Variants in MSI2 observed in about 807,000 individuals in gnomAD.
MSI2 encodes the protein RNA-binding protein Musashi homolog 2.
Under a neutral mutation model 45.6 loss-of-function variants are expected in MSI2, and 17 were observed. The observed-to-expected ratio is 0.37, with a 90% CI of 0.26 to 0.56. The LOEUF (loss-of-function observed/expected upper bound fraction) is 0.56. MSI2 is among the 20% of genes least tolerant of loss of function. The probability of loss-of-function intolerance (pLI) is 0.77; values close to 1 mark genes in which losing one functional copy is unlikely to be tolerated. For synonymous variants in MSI2, 156 were observed against 158.2 expected, an observed-to-expected ratio of 0.99 and a Z score of 0.11; for missense variants, 293 against 444.2, an observed-to-expected ratio of 0.66 and a Z score of 3.06.
chr17:57,293,595 G>GTTTTTTTTTTTTTTGTTTTTTTTTTT (rs71139983), intron 5 of MSI2, among the ~76,000 whole-genome samples: 37 of 134,636 alleles, frequency 2.7e-4, no homozygotes, highest in South Asian at 4.5e-4. Flanking sequence ...TTGTTTTTTT[G>GTTTTTTTTTTTTTTGTTTTTTTTTTT]TTTTTTTTTT....
At chr17:57,516,027 T>C (rs911355509) in intron 6 of MSI2, among the ~76,000 whole-genome samples, 1 of 152,222 alleles carries the variant, frequency 6.6e-6, no homozygotes, top group Non-Finnish European at 1.5e-5. Flanking sequence ...CACAGTACTT[T>C]GTTAAAGCCA....
chr17:57,555,581 T>G (rs1162108476), intron 7 of MSI2, among the ~76,000 whole-genome samples: 1 of 152,176 alleles, frequency 6.6e-6, no homozygotes, highest in East Asian at 1.9e-4. Flanking sequence ...GGTCCTCAGA[T>G]GGGTGCCCCT....
At chr17:57,589,897 T>G (rs757104632) in intron 7 of MSI2, among the ~76,000 whole-genome samples, 1 of 152,206 alleles carries the variant, frequency 6.6e-6, no homozygotes, top group Non-Finnish European at 1.5e-5. Flanking sequence ...CAGAGTTGCC[T>G]TGGGGACCAG....
intron 11 of MSI2, among the ~76,000 whole-genome samples, chr17:57,655,290 T>A (rs879803070): frequency 6.6e-6 from 1 of 152,010 alleles, no homozygotes; most frequent in Non-Finnish European, 1.5e-5. Flanking sequence ...CAGTCGAGAG[T>A]TTGTTTGTTT....
At chr17:57,546,086 G>A (rs1350279300) in intron 7 of MSI2, among the ~76,000 whole-genome samples, 1 of 152,156 alleles carries the variant, frequency 6.6e-6, no homozygotes, top group Non-Finnish European at 1.5e-5. Flanking sequence ...ATTCCGGGGC[G>A]ATTATGCCCA....
intron 11 of MSI2, among the ~76,000 whole-genome samples, chr17:57,656,346 T>C (rs1041241355): frequency 1.3e-5 from 2 of 152,214 alleles, no homozygotes; most frequent in Non-Finnish European, 2.9e-5. Flanking sequence ...TTAAAGGTCT[T>C]CCTTGTTCTT....
At chr17:57,621,030 G>A (rs554421509) in intron 9 of MSI2, among the ~76,000 whole-genome samples, 10 of 152,322 alleles carry the variant, frequency 6.6e-5, no homozygotes, top group African/African-American at 1.9e-4. Flanking sequence ...CTCTCTAAGC[G>A]AGGAGACTGC....
At chr17:57,665,399 A>T (rs1912294788) in intron 11 of MSI2, among the ~76,000 whole-genome samples, 1 of 152,236 alleles carries the variant, frequency 6.6e-6, no homozygotes, top group Non-Finnish European at 1.5e-5. Flanking sequence ...GAAACATGAG[A>T]GGGAGCTGAA....
At position 57,652,207 on chromosome 17, in the gene MSI2, G is replaced by A. The variant is rs1303981034; in HGVS notation, c.790+46G>A. ...GGCGACTCCCAGGCATGCCCCCAGT[G>A]TGCAGGGGGAGGTCAAGGCCCTGTC... On this transcript the variant is annotated intron_variant, in intron 11 of 13. Transcript: ENST00000284073. This position sits in a 1 kb window ranked among gnomAD's most constrained non-coding sequence, Gnocchi z 4.1. 2.8e-5 allele frequency: 44 copies of A among 1,559,626 alleles called. No individual in the cohort carries two copies. Among genetic ancestry groups the A allele is most frequent in the Non-Finnish European group, 3.8e-5 (43 of 1,131,004 alleles).
intron 5 of MSI2, among the ~76,000 whole-genome samples, chr17:57,284,129 A>G (rs1360144379): frequency 6.6e-6 from 1 of 152,142 alleles, no homozygotes; most frequent in Non-Finnish European, 1.5e-5. Context: ...CGCTGAGTTG[A>G]GCATTGCCCA....
chr17:57,649,305 CACAACACAT>C (rs1567958975), intron 10 of MSI2, among the ~76,000 whole-genome samples: 1 of 151,918 alleles, frequency 6.6e-6, no homozygotes, highest in Non-Finnish European at 1.5e-5. Context: ...ACACAACACA[CACAACACAT>C]ACATACACTC....
chr17:57,324,272 C>T (rs915684184), intron 5 of MSI2, among the ~76,000 whole-genome samples: 6 of 152,222 alleles, frequency 3.9e-5, no homozygotes, highest in Admixed American at 1.3e-4. Context: ...AGCCCACACC[C>T]TGGTCCTGCG....
At chr17:57,578,358 T>C (rs2088106959) in intron 7 of MSI2, among the ~76,000 whole-genome samples, 1 of 152,126 alleles carries the variant, frequency 6.6e-6, no homozygotes, top group Non-Finnish European at 1.5e-5. Flanking sequence ...TAGGGGATCA[T>C]CTTTAAATTA....
At chr17:57,442,698 A>G (rs1326877201) in intron 6 of MSI2, among the ~76,000 whole-genome samples, 1 of 152,218 alleles carries the variant, frequency 6.6e-6, no homozygotes, top group Non-Finnish European at 1.5e-5. Context: ...TGGAATGCCC[A>G]GAGAACAGAG....
the MSI2 span, among the ~76,000 whole-genome samples, chr17:57,699,816 C>T: frequency 3.3e-5 from 5 of 152,348 alleles, no homozygotes; most frequent in South Asian, 4.1e-4. Flanking sequence ...GGCACATGGC[C>T]GCATCAGCCA....
intron 6 of MSI2, among the ~76,000 whole-genome samples, chr17:57,513,067 G>A (rs1012102667): frequency 2.8e-5 from 4 of 144,078 alleles, no homozygotes; most frequent in Non-Finnish European, 4.5e-5. Context: ...TCCACCTCCC[G>A]GGTTCAAGCG....
chr17:57,523,590 C>T (rs1028303243), intron 6 of MSI2: 2 of 152,222 alleles, frequency 1.3e-5, no homozygotes, highest in Admixed American at 6.5e-5. Context: ...TCACGGTGCT[C>T]ATTTAGTGAG....
At chr17:57,415,290 T>C (rs7211285) in intron 6 of MSI2, among the ~76,000 whole-genome samples, 148,063 of 152,246 alleles carry the variant, frequency 0.97, 72,116 homozygotes, top group East Asian at 1. Flanking sequence ...GCTGTGGACA[T>C]GGAGAATGTG....
intron 5 of MSI2, among the ~76,000 whole-genome samples, chr17:57,303,105 G>A (rs1911558606): frequency 6.6e-6 from 1 of 152,222 alleles, no homozygotes; most frequent in South Asian, 2.1e-4. Context: ...GTGTTCACGG[G>A]GAAGTCCCCA....
Sources: gnomAD v4.1 joint callset for allele counts (sites outside exome capture counted in the v4.1 genomes callset) on GRCh38, gnomAD v4.1.1 for gene constraint, Gnocchi (gnomAD v3.1) non-coding constraint, MANE v1.5 for transcripts, NCBI Gene and HGNC (gene_info 2026-07-23, HGNC 2026-07-21) for gene names.